AKT3: variants seen among roughly 807,000 people sequenced by gnomAD.
AKT3 encodes the protein AKT serine/threonine kinase 3.
AKT3 carries 15 observed loss-of-function variants against 65.3 expected under a neutral mutation model. That is an observed-to-expected ratio of 0.23 (90% confidence interval 0.15 to 0.35). The LOEUF (loss-of-function observed/expected upper bound fraction) is 0.35, where lower values mean the gene tolerates loss of function less well. Among genes scored for constraint, AKT3 ranks in the 10% least tolerant of loss-of-function variants. The probability of loss-of-function intolerance (pLI) is 1.00; values close to 1 mark genes in which losing one functional copy is unlikely to be tolerated. For missense variants in AKT3, 243 were observed against 576.5 expected, an observed-to-expected ratio of 0.42 and a Z score of 5.92; for synonymous variants, 206 against 183.8, an observed-to-expected ratio of 1.12 and a Z score of -0.98.
At chr1:243,515,620 T>A (rs915572338) in intron 12 of AKT3, among the ~76,000 whole-genome samples, 1 of 152,220 alleles carries the variant, frequency 6.6e-6, no homozygotes, top group Non-Finnish European at 1.5e-5. Flanking sequence ...TATTGTTAGA[T>A]TTGATTTGCT....
At chr1:243,684,111 G>C (rs1684109456) in intron 3 of AKT3, among the ~76,000 whole-genome samples, 2 of 151,466 alleles carry the variant, frequency 1.3e-5, no homozygotes, top group African/African-American at 4.9e-5. Context: ...TTTTTTTTTA[G>C]CAATCAATAT....
chr1:243,695,679 A>G lies in AKT3; in HGVS notation c.84T>C (p.Leu28=), dbSNP rs765655049. The G allele has an allele frequency of 1.9e-6, 3 of 1,608,244 alleles. No individual in the cohort carries two copies. The highest frequency in any genetic ancestry group is 2.5e-6 in the Non-Finnish European group (3 of 1,176,668). Residue 28 remains leucine, a synonymous_variant, in exon 3 of 14, where the codon CTT becomes CTC. Coordinates refer to ENST00000673466, the MANE Select transcript of AKT3 (RefSeq NM_005465.7). ...YIKNWRPRYF[L]LKTDGSFIGY... is the part of the protein sequence containing the mutation. ...CTATGAATGAGCCATCTGTCTTCAAAAGGAAGTATCTTGGCCTCCAGTTTT... is the reference window on the plus strand; with the variant it reads ...CTATGAATGAGCCATCTGTCTTCAAGAGGAAGTATCTTGGCCTCCAGTTTT...
intron 2 of AKT3, among the ~76,000 whole-genome samples, chr1:243,732,297 T>G (rs893005505): frequency 1.3e-5 from 2 of 152,226 alleles, no homozygotes; most frequent in African/African-American, 4.8e-5. Flanking sequence ...AGCTTTCCCA[T>G]GCCAACAGCC....
At chr1:243,795,458 TTTTG>T (rs1472800970) in intron 2 of AKT3, among the ~76,000 whole-genome samples, 2 of 124,630 alleles carry the variant, frequency 1.6e-5, no homozygotes, top group Non-Finnish European at 3.3e-5. Context: ...TGTTTTTTTT[TTTTG>T]TTTTTTTTTT....
At chr1:243,724,245 G>GAA (rs74849601) in intron 2 of AKT3, among the ~76,000 whole-genome samples, 4 of 126,488 alleles carry the variant, frequency 3.2e-5, no homozygotes, top group Admixed American at 1.6e-4. Context: ...AAATTGAGGG[G>GAA]AAAAAAAAAA....
chr1:243,824,841 T>C (rs764342015), intron 2 of AKT3, among the ~76,000 whole-genome samples: 1 of 152,224 alleles, frequency 6.6e-6, no homozygotes, highest in Non-Finnish European at 1.5e-5. Flanking sequence ...TGGAAGATAG[T>C]GTGGCTATTC....
chr1:243,538,007 C>T (rs745392196), intron 12 of AKT3, among the ~76,000 whole-genome samples: 4 of 152,060 alleles, frequency 2.6e-5, no homozygotes, highest in South Asian at 2.1e-4. Context: ...AAAACAATGA[C>T]GGCAGGTAGA....
chr1:243,516,925 A>ACACTTTT (rs1334092413), intron 12 of AKT3, among the ~76,000 whole-genome samples: 1 of 152,130 alleles, frequency 6.6e-6, no homozygotes, highest in Non-Finnish European at 1.5e-5. Context: ...CATTAATTTT[A>ACACTTTT]CACTTTTCTT....
Position 243,505,000 on chromosome 1 carries a change from A to G in AKT3, c.*249T>C. 1 of 473,208 alleles carries G rather than the reference A, an allele frequency of 2.1e-6. No individual in the cohort carries two copies. Among genetic ancestry groups the G allele is most frequent in the Non-Finnish European group, 3.7e-6 (1 of 268,042 alleles). 29.3% of individuals were successfully genotyped at this position (473,208 alleles called of 1,614,324 possible). ...TACTTCTTAAAGTTGCTATAATAGT[A>G]AGACAGTAGCAGCAACAGCATGAGA... On this transcript the variant is annotated 3_prime_UTR_variant, in exon 14 of 14. Transcript: ENST00000673466.
At chr1:243,811,462 A>G (rs1400748386) in intron 2 of AKT3, among the ~76,000 whole-genome samples, 2 of 152,234 alleles carry the variant, frequency 1.3e-5, no homozygotes, top group African/African-American at 2.4e-5. Context: ...CCAACTTACA[A>G]GGGATGTGAA....
At chr1:243,517,010 C>T (rs1670403817) in intron 12 of AKT3, among the ~76,000 whole-genome samples, 1 of 152,150 alleles carries the variant, frequency 6.6e-6, no homozygotes, top group Non-Finnish European at 1.5e-5. Context: ...ATTGCTTTAG[C>T]TGTATATCAC....
chr1:243,756,115 G>A (rs960428535), intron 2 of AKT3, among the ~76,000 whole-genome samples: 1 of 152,200 alleles, frequency 6.6e-6, no homozygotes, highest in Admixed American at 6.5e-5. Flanking sequence ...ACTCTTTGGT[G>A]TGAGATAGAA....
downstream of AKT3, among the ~76,000 whole-genome samples, chr1:243,495,256 T>G (rs1035293645): frequency 6.6e-6 from 1 of 152,154 alleles, no homozygotes; most frequent in Non-Finnish European, 1.5e-5. Flanking sequence ...GCCGCCTCCC[T>G]CTCCCCGCCA....
downstream of AKT3, among the ~76,000 whole-genome samples, chr1:243,495,467 C>T (rs1206488062): frequency 1.3e-5 from 2 of 152,186 alleles, no homozygotes; most frequent in African/African-American, 4.8e-5. Flanking sequence ...TTATCAGGGG[C>T]CCAGCCGGGC....
At chr1:243,669,855 G>GA (rs909230812) in intron 3 of AKT3, among the ~76,000 whole-genome samples, 2 of 152,102 alleles carry the variant, frequency 1.3e-5, no homozygotes, top group Non-Finnish European at 2.9e-5. Context: ...GAGTGGTTTG[G>GA]AAAAATATTA....
chr1:243,752,926 C>A (rs1688898506), intron 2 of AKT3, among the ~76,000 whole-genome samples: 2 of 152,212 alleles, frequency 1.3e-5, no homozygotes. Context: ...TCGTCCCAAG[C>A]AGACATCTGA....
At chr1:243,846,242 C>T (rs565653263) in intron 1 of AKT3, among the ~76,000 whole-genome samples, 2 of 152,230 alleles carry the variant, frequency 1.3e-5, no homozygotes, top group Admixed American at 1.3e-4. Context: ...CCCCCAAATA[C>T]AGTCAGAAGC....
chr1:243,613,057 T>G (rs866715728), intron 8 of AKT3: 1 of 96,576 alleles, frequency 1.0e-5, no homozygotes, highest in Non-Finnish European at 2.0e-5. Flanking sequence ...AAAAAAAAAA[T>G]TATATATATA....
intron 2 of AKT3, among the ~76,000 whole-genome samples, chr1:243,698,141 CCATTT>C (rs1685179729): frequency 6.6e-6 from 1 of 151,850 alleles, no homozygotes; most frequent in African/African-American, 2.4e-5. Context: ...TTTTATTTTT[CCATTT>C]CATTTATTCC....
Sources: gnomAD v4.1 joint callset for allele counts (sites outside exome capture counted in the v4.1 genomes callset) on GRCh38, gnomAD v4.1.1 for gene constraint, MANE v1.5 for transcripts, NCBI Gene and HGNC (gene_info 2026-07-23, HGNC 2026-07-21) for gene names.